Variants in IL34 observed in about 807,000 individuals in gnomAD.
IL34 encodes interleukin 34, also known as interleukin-34.
IL34 carries 17 observed loss-of-function variants against 25.3 expected under a neutral mutation model. The ratio of observed to expected loss-of-function variants is 0.67; its 90% CI spans 0.46 to 1.01. The LOEUF (loss-of-function observed/expected upper bound fraction) is 1.01. Among genes scored for constraint, IL34 ranks in the 50% least tolerant of loss-of-function variants. The pLI, the probability that IL34 is intolerant of heterozygous loss-of-function variation, is 0.00. For synonymous variants in IL34, 174 were observed against 140.9 expected (o/e 1.23, Z -1.66); for missense variants, 368 against 312.9 (o/e 1.18, Z -1.33).
chr16:70,631,516 T>A (rs373813049), intron 1 of IL34, among the ~76,000 whole-genome samples: 2 of 152,246 alleles, frequency 1.3e-5, no homozygotes, highest in African/African-American at 4.8e-5. Context: ...AAAGAATCTT[T>A]ATCCTGTTAT....
At chr16:70,603,914 A>T (rs1458280108) in intron 1 of IL34, among the ~76,000 whole-genome samples, 2 of 152,130 alleles carry the variant, frequency 1.3e-5, no homozygotes, top group Admixed American at 1.3e-4. Context: ...ATTCCATCGT[A>T]TGGACATACC....
intron 1 of IL34, among the ~76,000 whole-genome samples, chr16:70,586,809 A>G (rs1331739715): frequency 6.6e-6 from 1 of 152,172 alleles, no homozygotes; most frequent in African/African-American, 2.4e-5. Context: ...GGTACAGGGA[A>G]GTCTCCCAGC....
chr16:70,598,600 A>G (rs1049926488), intron 1 of IL34, among the ~76,000 whole-genome samples: 23 of 152,158 alleles, frequency 1.5e-4, no homozygotes, highest in South Asian at 6.2e-4. Flanking sequence ...TTAGCCAGGC[A>G]TGGTGGCGCA....
At chr16:70,580,798 T>G (rs2050628593) in intron 1 of IL34, among the ~76,000 whole-genome samples, 1 of 151,582 alleles carries the variant, frequency 6.6e-6, no homozygotes, top group African/African-American at 2.4e-5. Context: ...AAAAAAAAAT[T>G]AATTGATTTT....
intron 1 of IL34, among the ~76,000 whole-genome samples, chr16:70,594,620 T>C (rs1454806312): frequency 6.6e-6 from 1 of 152,194 alleles, no homozygotes; most frequent in Non-Finnish European, 1.5e-5. Context: ...ACAAGAATTC[T>C]GCCTGGCAGG....
At chr16:70,593,793 C>G (rs540995540) in intron 1 of IL34, among the ~76,000 whole-genome samples, 6 of 152,276 alleles carry the variant, frequency 3.9e-5, no homozygotes, top group Admixed American at 2.6e-4. Flanking sequence ...TCTTGGAGCA[C>G]TAGGATCAGA....
chr16:70,629,816 A>C (rs886090332), intron 1 of IL34, among the ~76,000 whole-genome samples: 1 of 152,152 alleles, frequency 6.6e-6, no homozygotes, highest in Non-Finnish European at 1.5e-5. Flanking sequence ...ATGAGTGTAC[A>C]TGGGGTCTCC....
intron 1 of IL34, among the ~76,000 whole-genome samples, chr16:70,622,004 G>A (rs576850579): frequency 1.9e-4 from 29 of 152,158 alleles, no homozygotes; most frequent in South Asian, 2.1e-4. Context: ...CCATCTGGGC[G>A]TATATACGTG....
At chr16:70,638,354 C>T (rs1437002329) in intron 1 of IL34, among the ~76,000 whole-genome samples, 1 of 151,858 alleles carries the variant, frequency 6.6e-6, no homozygotes, top group Non-Finnish European at 1.5e-5. Flanking sequence ...TGGTGCACAC[C>T]TATAGTCCCA....
intron 1 of IL34, among the ~76,000 whole-genome samples, chr16:70,602,993 C>T (rs962458201): frequency 5.3e-5 from 8 of 152,132 alleles, no homozygotes; most frequent in Admixed American, 2.6e-4. Flanking sequence ...CTCTGTGGCC[C>T]GCCAACCCCA....
intron 1 of IL34, among the ~76,000 whole-genome samples, chr16:70,585,139 AC>A (rs1457771501): frequency 3.9e-5 from 6 of 152,124 alleles, no homozygotes; most frequent in African/African-American, 1.4e-4. Context: ...TCTGGGCACC[AC>A]CTTTCAGATG....
At chr16:70,636,771 C>CA (rs148101023) in intron 1 of IL34, among the ~76,000 whole-genome samples, 2 of 150,860 alleles carry the variant, frequency 1.3e-5, no homozygotes, top group Non-Finnish European at 3.0e-5. Flanking sequence ...CTGTCTCAAA[C>CA]AAACAAAACA....
At position 70,637,971 on chromosome 16, in the gene IL34, G is replaced by GT. The variant is rs971016324; in HGVS notation, c.-400-8571dup. On this transcript the variant is annotated intron_variant, in intron 1 of 6. Coordinates refer to the IL34 transcript ENST00000429149. ...AGGTTTTTTTGTTTTGTTTTGTTTTGTTTTTTGCTTCAAGTGTAAACAGCA... is the reference window on the plus strand; with the variant it reads ...AGGTTTTTTTGTTTTGTTTTGTTTTGTTTTTTTGCTTCAAGTGTAAACAGCA... Among the ~76,000 whole-genome samples the GT allele has an allele frequency of 3.1e-3, 466 of 152,202 alleles. 2 individuals are homozygous for GT. The highest frequency in any genetic ancestry group is 0.011 in the African/African-American group (449 of 41,508).
intron 1 of IL34, among the ~76,000 whole-genome samples, chr16:70,622,555 T>G (rs1482072182): frequency 1.3e-5 from 2 of 152,002 alleles, no homozygotes; most frequent in Non-Finnish European, 2.9e-5. Context: ...CATCAATAAA[T>G]CAAGCGTGAT....
chr16:70,583,618 G>T (rs1007820591), intron 1 of IL34, among the ~76,000 whole-genome samples: 1 of 151,976 alleles, frequency 6.6e-6, no homozygotes, highest in Middle Eastern at 3.4e-3. Context: ...GGGGCCCTGG[G>T]TGCTGGGTTC....
At chr16:70,639,421 T>C (rs1012092259) in intron 1 of IL34, among the ~76,000 whole-genome samples, 2 of 152,210 alleles carry the variant, frequency 1.3e-5, no homozygotes, top group Non-Finnish European at 2.9e-5. Flanking sequence ...GATCTGCTAC[T>C]GCCTCTGCTT....
rs115934388 is a variant in IL34, at chr16:70,639,264, C to T, written c.-400-7284C>T. On this transcript the variant is annotated intron_variant, in intron 1 of 6. Coordinates refer to the IL34 transcript ENST00000429149. The stretch of plus-strand genomic sequence containing the variant: ...CTTTGGGTCATAATGGGAAAATGCA[C>T]GTCCAGAACCCAGCCAATCTTGTTT... 7.5e-3 allele frequency among the ~76,000 whole-genome samples: 1,145 copies of T among 152,240 alleles called. 16 individuals are homozygous for T. Among genetic ancestry groups the T allele is most frequent in the African/African-American group, 0.026 (1,077 of 41,540 alleles).
intron 1 of IL34, among the ~76,000 whole-genome samples, chr16:70,586,256 G>A (rs554470493): frequency 2.7e-4 from 41 of 152,210 alleles, no homozygotes; most frequent in African/African-American, 1.2e-4. Flanking sequence ...TGCGAATAAC[G>A]CTTCTACAAA....
chr16:70,655,346 C>T (rs146437870), intron 2 of IL34, among the ~76,000 whole-genome samples: 1,912 of 148,554 alleles, frequency 0.013, 27 homozygotes, highest in African/African-American at 0.036. Flanking sequence ...CCACTGCGCC[C>T]GGCCCTTTTT....
Sources: gnomAD v4.1 joint callset for allele counts (sites outside exome capture counted in the v4.1 genomes callset) on GRCh38, gnomAD v4.1.1 for gene constraint, MANE v1.5 for transcripts, NCBI Gene and HGNC (gene_info 2026-07-23, HGNC 2026-07-21) for gene names.